ROBO2: variants seen among roughly 807,000 people sequenced by gnomAD.
ROBO2 encodes roundabout guidance receptor 2, also known as roundabout homolog 2.
A neutral mutation model predicts 160.8 loss-of-function variants in ROBO2; 53 were observed. The ratio of observed to expected loss-of-function variants is 0.33; its 90% CI spans 0.26 to 0.41. ROBO2 has a LOEUF of 0.41. Ranked by LOEUF, ROBO2 falls within the 10% of genes least tolerant of loss-of-function variation. The probability of loss-of-function intolerance (pLI) is 1.00; values close to 1 mark genes in which losing one functional copy is unlikely to be tolerated. For missense variants in ROBO2, 1,577 were observed against 1,722.4 expected, an observed-to-expected ratio of 0.92 and a Z score of 1.49; for synonymous variants, 664 against 611.7, an observed-to-expected ratio of 1.09 and a Z score of -1.26.
chr3:77,578,368 C>T (rs1161954782), intron 15 of ROBO2, among the ~76,000 whole-genome samples: 1 of 151,952 alleles, frequency 6.6e-6, no homozygotes. Context: ...ATTAATAAAT[C>T]ATCTATTGAT....
chr3:76,618,932 G>C (rs1024838923), intron 2 of ROBO2, among the ~76,000 whole-genome samples: 2 of 151,826 alleles, frequency 1.3e-5, no homozygotes, highest in Admixed American at 1.3e-4. Flanking sequence ...TCAGCACAGA[G>C]ATTCCCTTAA....
At chr3:76,375,320 T>C (rs775879979) in intron 2 of ROBO2, among the ~76,000 whole-genome samples, 2 of 151,884 alleles carry the variant, frequency 1.3e-5, no homozygotes, top group Admixed American at 6.6e-5. Flanking sequence ...CCAGGAAAAA[T>C]GGCTTTAAGC....
intron 2 of ROBO2, among the ~76,000 whole-genome samples, chr3:77,251,929 C>A (rs554162597): frequency 1.3e-5 from 2 of 152,220 alleles, no homozygotes; most frequent in South Asian, 4.2e-4. Flanking sequence ...ATCAGTAGCA[C>A]GAAAATGGAC....
At chr3:77,546,232 C>T in intron 6 of ROBO2, 106 bp from the exon 8 acceptor site, 1 of 1,195,868 alleles carries the variant, frequency 8.4e-7, no homozygotes, top group Non-Finnish European at 1.2e-6. Flanking sequence ...AAACTGTAGT[C>T]TCTCTCTGGC....
chr3:77,217,238 G>A (rs879710710), intron 2 of ROBO2, among the ~76,000 whole-genome samples: 5 of 151,966 alleles, frequency 3.3e-5, no homozygotes, highest in Admixed American at 1.3e-4. Context: ...TGCCTCCTGG[G>A]TTCAAACAAT....
At chr3:77,184,856 C>A (rs762982181) in intron 2 of ROBO2, among the ~76,000 whole-genome samples, 9 of 151,936 alleles carry the variant, frequency 5.9e-5, no homozygotes, top group Admixed American at 1.3e-4. Flanking sequence ...GATAATATTT[C>A]AGGACCTATA....
At chr3:76,428,864 C>T (rs1577124332) in intron 2 of ROBO2, among the ~76,000 whole-genome samples, 1 of 152,128 alleles carries the variant, frequency 6.6e-6, no homozygotes, top group Admixed American at 6.6e-5. Flanking sequence ...TGCCGACAGT[C>T]ATCTTCACGG....
intron 13 of ROBO2, among the ~76,000 whole-genome samples, chr3:77,570,578 G>A (rs948537722): frequency 6.6e-5 from 10 of 151,658 alleles, no homozygotes; most frequent in East Asian, 1.9e-4. Context: ...TTAATATCAC[G>A]GCATATTGTT....
intron 22 of ROBO2, among the ~76,000 whole-genome samples, chr3:77,619,845 T>A (rs1367125144): frequency 2.0e-5 from 3 of 152,102 alleles, no homozygotes; most frequent in African/African-American, 7.2e-5. Context: ...CTCTCTTGGG[T>A]CGAGGTTCAA....
At chr3:76,598,565 A>AG (rs2086890924) in intron 2 of ROBO2, among the ~76,000 whole-genome samples, 1 of 152,134 alleles carries the variant, frequency 6.6e-6, no homozygotes, top group South Asian at 2.1e-4. Flanking sequence ...GAATGGGCAA[A>AG]GGGGTACACA....
At chr3:77,339,880 G>A (rs983544431) in intron 2 of ROBO2, among the ~76,000 whole-genome samples, 3 of 151,964 alleles carry the variant, frequency 2.0e-5, no homozygotes, top group Non-Finnish European at 4.4e-5. Flanking sequence ...AATTTGCCCT[G>A]CTGGCAAAAT....
chr3:76,022,528 G>A (rs2066604358), intron 2 of ROBO2, among the ~76,000 whole-genome samples: 1 of 151,754 alleles, frequency 6.6e-6, no homozygotes, highest in African/African-American at 2.4e-5. Context: ...GTGTTAACGA[G>A]CATAAACACA....
intron 2 of ROBO2, among the ~76,000 whole-genome samples, chr3:76,492,572 CAG>C: frequency 6.8e-6 from 1 of 147,512 alleles, no homozygotes; most frequent in Non-Finnish European, 1.5e-5. Flanking sequence ...AAAAAAAAAA[CAG>C]GGAGGAAAAA....
intron 2 of ROBO2, among the ~76,000 whole-genome samples, chr3:76,956,498 A>C (rs999863675): frequency 5.3e-5 from 8 of 150,580 alleles, no homozygotes; most frequent in Non-Finnish European, 1.0e-4. Context: ...CAGAGCTTGC[A>C]GTGAGCCGAG....
chr3:76,481,617 C>G (rs892540728), intron 2 of ROBO2, among the ~76,000 whole-genome samples: 2 of 152,136 alleles, frequency 1.3e-5, no homozygotes, highest in Non-Finnish European at 2.9e-5. Flanking sequence ...TCAGCATCAT[C>G]TGGGAGCTGG....
intron 2 of ROBO2, among the ~76,000 whole-genome samples, chr3:76,854,060 CTCTCTCTT>C (rs1559605448): frequency 2.8e-4 from 18 of 63,744 alleles, no homozygotes; most frequent in African/African-American, 6.3e-4. Flanking sequence ...CTCTCTCTCT[CTCTCTCTT>C]TCTCTGTCTG....
At chr3:76,820,680 T>C (rs1146013) in intron 2 of ROBO2, among the ~76,000 whole-genome samples, 20,422 of 151,892 alleles carry the variant, frequency 0.13, 1,521 homozygotes, top group East Asian at 0.24. Context: ...CCTGCACTAA[T>C]GTACTTTTAA....
At position 76,023,707 on chromosome 3, in the gene ROBO2, G is replaced by T. The variant is rs564931091; in HGVS notation, c.109+86105G>T. Among the ~76,000 whole-genome samples the T allele has an allele frequency of 4.8e-4, 72 of 151,562 alleles. 1 individual carries two copies. Among genetic ancestry groups the T allele is most frequent in the African/African-American group, 1.6e-3 (67 of 41,422 alleles). The stretch of plus-strand genomic sequence containing the variant: ...ATAACCATAACAATATAATGACAAT[G>T]AAAAAATCTGAAATATTGTGAGAAT... On this transcript the variant is annotated intron_variant, in intron 2 of 26. Transcript: ENST00000487694.
At chr3:77,257,626 A>T (rs1402651158) in intron 2 of ROBO2, among the ~76,000 whole-genome samples, 1 of 152,204 alleles carries the variant, frequency 6.6e-6, no homozygotes, top group Non-Finnish European at 1.5e-5. Context: ...GTCTGTATGT[A>T]AACAGTGAAA....
Sources: allele counts gnomAD v4.1 joint callset (sites outside exome capture counted in the v4.1 genomes callset), GRCh38; gene constraint gnomAD v4.1.1; transcripts MANE v1.5; gene names NCBI Gene and HGNC (gene_info 2026-07-23, HGNC 2026-07-21).